Variants in PGPEP1L observed in about 807,000 individuals in gnomAD.
PGPEP1L encodes pyroglutamyl-peptidase I like.
PGPEP1L carries 7 observed loss-of-function variants against 6.0 expected under a neutral mutation model. The observed-to-expected ratio is 1.17, with a 90% CI of 0.66 to 2.19. PGPEP1L has a LOEUF of 2.19. Among genes scored for constraint, PGPEP1L ranks in the 30% most tolerant of loss-of-function variants. The pLI is 0.00. For missense variants in PGPEP1L, 209 were observed against 192.5 expected (o/e 1.09, Z -0.51); for synonymous variants, 103 against 83.9 (o/e 1.23, Z -1.24).
intron 1 of PGPEP1L, among the ~76,000 whole-genome samples, chr15:99,006,407 G>C (rs1215365410): frequency 6.6e-6 from 1 of 152,246 alleles, no homozygotes; most frequent in Non-Finnish European, 1.5e-5. Flanking sequence ...ATGCCACCTG[G>C]CTCTGCAGAC....
chr15:98,971,148 T>C lies in PGPEP1L; in HGVS notation c.-131A>G, dbSNP rs1351583311. 1 of 1,514,344 alleles carries C rather than the reference T, an allele frequency of 6.6e-7. No homozygotes were observed. The allele number at this position is 1,514,344 out of a possible 1,614,324, so 93.8% of individuals were successfully genotyped here. On this transcript the variant is annotated 5_prime_UTR_variant, in exon 3 of 5. Coordinates refer to ENST00000535714, the MANE Select transcript of PGPEP1L (RefSeq NM_001167902.2). Reference sequence around the variant, plus strand: ...CACTGTTTCATTCCCCAGGCCCAGCTTGGAGAGCTCCTGAGGAAAGCGGCA... The same window carrying C: ...CACTGTTTCATTCCCCAGGCCCAGCCTGGAGAGCTCCTGAGGAAAGCGGCA...
At chr15:98,979,051 T>C (rs1451648168) in intron 2 of PGPEP1L, among the ~76,000 whole-genome samples, 1 of 150,522 alleles carries the variant, frequency 6.6e-6, no homozygotes, top group Non-Finnish European at 1.5e-5. Context: ...ATATATATAT[T>C]TTTATTACAT....
chr15:99,002,294 C>T (rs1248322853), intron 2 of PGPEP1L, among the ~76,000 whole-genome samples: 1 of 152,146 alleles, frequency 6.6e-6, no homozygotes, highest in Non-Finnish European at 1.5e-5. Flanking sequence ...TTGTACCCAG[C>T]CTACATAAAA....
At chr15:98,986,627 T>C (rs1596520730) in intron 2 of PGPEP1L, among the ~76,000 whole-genome samples, 1 of 143,596 alleles carries the variant, frequency 7.0e-6, no homozygotes, top group African/African-American at 3.0e-5. Context: ...AACTCCTAAA[T>C]TAATAGCCAT....
At position 98,971,059 on chromosome 15, in the gene PGPEP1L, T is replaced by A; in HGVS notation, c.-42A>T. 1 of 1,613,622 alleles carries A rather than the reference T, an allele frequency of 6.2e-7. No homozygotes were observed. The highest frequency in any genetic ancestry group is 8.5e-7 in the Non-Finnish European group (1 of 1,179,668). ...ACTTGCGGCTGATGATCTTCCCAGA[T>A]TCCGGTGACCCTCCGCTTAGCCTCC... On this transcript the variant is annotated 5_prime_UTR_variant, in exon 3 of 5. Coordinates refer to ENST00000535714, the MANE Select transcript of PGPEP1L (RefSeq NM_001167902.2).
intron 2 of PGPEP1L, among the ~76,000 whole-genome samples, chr15:99,000,068 C>G (rs1422175581): frequency 1.3e-5 from 2 of 152,232 alleles, no homozygotes; most frequent in Non-Finnish European, 2.9e-5. Flanking sequence ...CGGGCGGGAA[C>G]CGGGGCTGCG....
intron 2 of PGPEP1L, among the ~76,000 whole-genome samples, chr15:99,001,569 A>G (rs1190126172): frequency 6.6e-6 from 1 of 152,252 alleles, no homozygotes; most frequent in African/African-American, 2.4e-5. Context: ...CATGTGGATT[A>G]TATCTCAATG....
intron 2 of PGPEP1L, among the ~76,000 whole-genome samples, chr15:98,985,197 C>G (rs550299484): frequency 6.6e-6 from 1 of 152,300 alleles, no homozygotes; most frequent in South Asian, 2.1e-4. Flanking sequence ...CCTCACTTCG[C>G]TCACCCTCAG....
At chr15:98,999,249 G>T (rs781845804) in intron 2 of PGPEP1L, among the ~76,000 whole-genome samples, 67 of 152,196 alleles carry the variant, frequency 4.4e-4, no homozygotes, top group Non-Finnish European at 1.3e-4. Context: ...AACTCAAACA[G>T]TCCAATCAGC....
intron 2 of PGPEP1L, among the ~76,000 whole-genome samples, chr15:99,000,270 G>A (rs929740013): frequency 1.2e-4 from 18 of 152,324 alleles, no homozygotes; most frequent in South Asian, 4.1e-4. Context: ...CCTGCAGCCC[G>A]CCATGCCGGA....
intron 2 of PGPEP1L, among the ~76,000 whole-genome samples, chr15:98,984,118 C>G (rs1335103857): frequency 6.7e-6 from 1 of 149,122 alleles, no homozygotes; most frequent in Non-Finnish European, 1.5e-5. Flanking sequence ...TCACACCATT[C>G]TCCTGCCTCA....
intron 2 of PGPEP1L, among the ~76,000 whole-genome samples, chr15:98,993,860 G>GA (rs781817235): frequency 6.6e-6 from 1 of 151,474 alleles, no homozygotes; most frequent in African/African-American, 2.4e-5. Flanking sequence ...ACACAAAATT[G>GA]AAAAAACAAA....
At chr15:98,982,054 C>T (rs776682352) in intron 2 of PGPEP1L, among the ~76,000 whole-genome samples, 1 of 152,220 alleles carries the variant, frequency 6.6e-6, no homozygotes, top group Non-Finnish European at 1.5e-5. Context: ...TTAGCTAGAA[C>T]TAAACATATG....
At chr15:98,991,296 A>T (rs2017816400) in intron 2 of PGPEP1L, among the ~76,000 whole-genome samples, 1 of 152,242 alleles carries the variant, frequency 6.6e-6, no homozygotes, top group African/African-American at 2.4e-5. Context: ...ATCCCACAGA[A>T]ATACGAACTA....
At chr15:98,988,787 C>T (rs112630363) in intron 2 of PGPEP1L, among the ~76,000 whole-genome samples, 2 of 152,140 alleles carry the variant, frequency 1.3e-5, no homozygotes, top group African/African-American at 2.4e-5. Flanking sequence ...AAGCTTCAGG[C>T]GGCAATCTTT....
intron 2 of PGPEP1L, among the ~76,000 whole-genome samples, chr15:98,997,924 T>C (rs2017910255): frequency 1.3e-5 from 2 of 152,092 alleles, no homozygotes; most frequent in Admixed American, 6.6e-5. Context: ...AGGAGGGGCA[T>C]GAGGCAGACA....
intron 2 of PGPEP1L, among the ~76,000 whole-genome samples, chr15:98,995,106 G>A (rs1209041613): frequency 6.6e-6 from 1 of 152,080 alleles, no homozygotes; most frequent in Non-Finnish European, 1.5e-5. Context: ...AATATTCTCA[G>A]TCACTATCTC....
intron 2 of PGPEP1L, among the ~76,000 whole-genome samples, chr15:98,973,108 G>A (rs2017522848): frequency 6.6e-6 from 1 of 152,046 alleles, no homozygotes; most frequent in Admixed American, 6.6e-5. Flanking sequence ...GTGAAAAAAA[G>A]GACACAGAAG....
chr15:98,992,222 CCTT>C (rs1179744852), intron 2 of PGPEP1L, among the ~76,000 whole-genome samples: 4 of 152,184 alleles, frequency 2.6e-5, no homozygotes, highest in Non-Finnish European at 5.9e-5. Flanking sequence ...CCCAAAATCT[CCTT>C]AAGGTGATAA....
Sources: gnomAD v4.1 joint callset for allele counts (sites outside exome capture counted in the v4.1 genomes callset) on GRCh38, gnomAD v4.1.1 for gene constraint, MANE v1.5 for transcripts, NCBI Gene and HGNC (gene_info 2026-07-23, HGNC 2026-07-21) for gene names.